UNC79: variants seen among roughly 807,000 people sequenced by gnomAD.
The protein encoded by UNC79 is protein unc-79 homolog.
Under a neutral mutation model 283.1 loss-of-function variants are expected in UNC79, and 37 were observed. The ratio of observed to expected loss-of-function variants is 0.13; its 90% CI spans 0.10 to 0.17. UNC79 has a LOEUF of 0.17. Ranked by LOEUF, UNC79 falls within the 10% of genes least tolerant of loss-of-function variation. UNC79 has a pLI of 1.00. For missense variants in UNC79, 2,272 were observed against 3,211.1 expected (o/e 0.71, Z 7.07); for synonymous variants, 1,107 against 1,200.2 (o/e 0.92, Z 1.61).
chr14:93,596,482 A>T (rs1403396632), intron 23 of UNC79, among the ~76,000 whole-genome samples: 1 of 152,160 alleles, frequency 6.6e-6, no homozygotes, highest in East Asian at 1.9e-4. Context: ...TAAAAATACT[A>T]AAGTTAGCTG....
Position 93,649,466 on chromosome 14 carries a change from T to G in UNC79, c.6083+2820T>G, listed in dbSNP as rs550831099. On this transcript the variant is annotated intron_variant, in intron 35 of 48. Coordinates refer to ENST00000555664, the Ensembl canonical transcript of UNC79. ...CTATCCATCAATTCATTTTTTTGGA[T>G]GTATTTCAGAGTAAATTTCAGATAT... Among the ~76,000 whole-genome samples the G allele has an allele frequency of 7.2e-5, 11 of 152,318 alleles. No individual in the cohort carries two copies. In the East Asian group the frequency reaches 1.9e-3, roughly 27 times the overall value.
At chr14:93,485,019 G>A (rs2140435700) in intron 4 of UNC79, among the ~76,000 whole-genome samples, 1 of 152,026 alleles carries the variant, frequency 6.6e-6, no homozygotes, top group Non-Finnish European at 1.5e-5. Context: ...GAGACATGTG[G>A]GCATCTTTCC....
chr14:93,392,891 G>A (rs1259689034), intron 1 of UNC79, among the ~76,000 whole-genome samples: 1 of 152,214 alleles, frequency 6.6e-6, no homozygotes, highest in Admixed American at 6.5e-5. Flanking sequence ...TAGACCTCAG[G>A]ATTGATATAT....
chr14:93,654,625 T>A (rs2070720599), intron 37 of UNC79, among the ~76,000 whole-genome samples: 1 of 151,422 alleles, frequency 6.6e-6, no homozygotes, highest in Non-Finnish European at 1.5e-5. Context: ...ATAATTTAAA[T>A]TTTAAAAAGT....
At chr14:93,456,925 T>G (rs2056811651) in intron 1 of UNC79, among the ~76,000 whole-genome samples, 1 of 152,204 alleles carries the variant, frequency 6.6e-6, no homozygotes, top group Non-Finnish European at 1.5e-5. Flanking sequence ...ATTCCATTCT[T>G]AAGCTTTCAG....
intron 6 of UNC79, 47 bp downstream of exon 6, chr14:93,496,513 A>G (rs772477810): frequency 7.5e-6 from 10 of 1,336,016 alleles, no homozygotes; most frequent in Admixed American, 2.7e-5. Context: ...CTTAATTTGT[A>G]TAATACAGTA....
At chr14:93,670,127 C>T (rs1439818892) in intron 40 of UNC79, among the ~76,000 whole-genome samples, 1 of 152,186 alleles carries the variant, frequency 6.6e-6, no homozygotes, top group Admixed American at 6.5e-5. Flanking sequence ...AACTCAAACT[C>T]AAGCCATGTT....
intron 17 of UNC79, among the ~76,000 whole-genome samples, chr14:93,575,914 A>G (rs1262125403): frequency 6.6e-6 from 1 of 152,162 alleles, no homozygotes; most frequent in African/African-American, 2.4e-5. Flanking sequence ...GCCTCCAGCC[A>G]TCCCACCTGA....
At chr14:93,365,797 G>C (rs904565103) in intron 1 of UNC79, among the ~76,000 whole-genome samples, 1 of 152,028 alleles carries the variant, frequency 6.6e-6, no homozygotes, top group African/African-American at 2.4e-5. Context: ...CTGTCTAATA[G>C]GAATTTCAGA....
intron 1 of UNC79, among the ~76,000 whole-genome samples, chr14:93,342,123 C>T (rs989200708): frequency 6.6e-6 from 1 of 152,224 alleles, no homozygotes; most frequent in Non-Finnish European, 1.5e-5. Context: ...ACATTTCCCC[C>T]TCTCCATTGC....
intron 35 of UNC79, among the ~76,000 whole-genome samples, chr14:93,649,581 TTTA>T (rs2070014786): frequency 6.6e-6 from 1 of 152,170 alleles, no homozygotes; most frequent in Non-Finnish European, 1.5e-5. Context: ...TTCCTCCAGC[TTTA>T]TTGAGGTATA....
intron 7 of UNC79, among the ~76,000 whole-genome samples, chr14:93,522,039 A>G (rs1261841057): frequency 6.6e-6 from 1 of 151,758 alleles, no homozygotes; most frequent in African/African-American, 2.4e-5. Context: ...ACTTAAATTG[A>G]TTATCTACAA....
intron 1 of UNC79, chr14:93,397,335 C>G (rs1246877503): frequency 6.6e-6 from 1 of 152,216 alleles, no homozygotes; most frequent in Non-Finnish European, 1.5e-5. Context: ...AGGTAACATT[C>G]AGACAACTTA....
At chr14:93,459,783 G>C (rs1417115318) in intron 1 of UNC79, among the ~76,000 whole-genome samples, 1 of 102,776 alleles carries the variant, frequency 9.7e-6, no homozygotes, top group Non-Finnish European at 2.0e-5. Context: ...CCATTCTCCT[G>C]CCTCAGCCTC....
chr14:93,645,363 TA>T (rs2069484976), intron 34 of UNC79, among the ~76,000 whole-genome samples: 2 of 152,218 alleles, frequency 1.3e-5, no homozygotes, highest in African/African-American at 2.4e-5. Context: ...TTTAAATCTC[TA>T]CCTCCTTTGG....
intron 1 of UNC79, among the ~76,000 whole-genome samples, chr14:93,440,952 C>T (rs1469363143): frequency 6.6e-6 from 1 of 151,924 alleles, no homozygotes; most frequent in Non-Finnish European, 1.5e-5. Context: ...ATAAGATCTA[C>T]CTTGTAATGT....
upstream of UNC79, among the ~76,000 whole-genome samples, chr14:93,427,270 G>A (rs1450438095): frequency 6.6e-6 from 1 of 152,110 alleles, no homozygotes; most frequent in Non-Finnish European, 1.5e-5. Flanking sequence ...GGTCAATCAA[G>A]CTGTGAGTAT....
intron 1 of UNC79, among the ~76,000 whole-genome samples, chr14:93,433,834 AAATGT>A (rs1160910821): frequency 6.6e-6 from 1 of 152,216 alleles, no homozygotes; most frequent in African/African-American, 2.4e-5. Context: ...TTTACCTTTG[AAATGT>A]AATGTATCAC....
At chr14:93,662,735 G>A (rs750805830) in intron 40 of UNC79, 21 bp downstream of exon 43, 20 of 1,557,032 alleles carry the variant, frequency 1.3e-5, no homozygotes, top group Non-Finnish European at 8.8e-7. Context: ...TTCCATATGT[G>A]TGTTCCTGTG....
Sources: gnomAD v4.1 joint callset for allele counts (sites outside exome capture counted in the v4.1 genomes callset) on GRCh38, gnomAD v4.1.1 for gene constraint, MANE v1.5 for transcripts, NCBI Gene and HGNC (gene_info 2026-07-23, HGNC 2026-07-21) for gene names.